ARFGAP1: variants seen among roughly 807,000 people sequenced by gnomAD.
ARFGAP1 encodes the protein ADP-ribosylation factor GTPase-activating protein 1.
In ARFGAP1, 26 loss-of-function variants were observed where a neutral mutation model predicts 54.0. That is an observed-to-expected ratio of 0.48 (90% CI 0.35 to 0.67). ARFGAP1 has a LOEUF of 0.67. Ranked by LOEUF, ARFGAP1 falls within the 30% of genes least tolerant of loss-of-function variation. The pLI, the probability that ARFGAP1 is intolerant of heterozygous loss-of-function variation, is 0.00. For missense variants in ARFGAP1, 525 were observed against 535.8 expected, an observed-to-expected ratio of 0.98 and a Z score of 0.20; for synonymous variants, 248 against 211.9, an observed-to-expected ratio of 1.17 and a Z score of -1.48.
At chr20:63,283,211 G>T (rs1203328775) in intron 9 of ARFGAP1, 1 of 381,286 alleles carries the variant, frequency 2.6e-6, no homozygotes, top group Non-Finnish European at 4.8e-6. Flanking sequence ...TTGGTGCTGT[G>T]CCTGCGGCAC....
At chr20:63,277,817 G>A (rs947658302) in intron 5 of ARFGAP1, among the ~76,000 whole-genome samples, 2 of 152,226 alleles carry the variant, frequency 1.3e-5, no homozygotes, top group South Asian at 2.1e-4. Flanking sequence ...GGGCAACTCC[G>A]GCTTGATTCC....
intron 1 of ARFGAP1, among the ~76,000 whole-genome samples, chr20:63,273,680 C>A (rs549858602): frequency 7.9e-4 from 120 of 152,282 alleles, no homozygotes; most frequent in African/African-American, 2.7e-3. Context: ...GTATGTTTTA[C>A]AGTTAGAAAT....
At position 63,274,012 on chromosome 20, in the gene ARFGAP1, G is replaced by A. The variant is rs1044618567; in HGVS notation, c.-5+1092G>A. 3 of 152,320 alleles carry A rather than the reference G, an allele frequency of 2.0e-5. 1 individual carries two copies. Among genetic ancestry groups the A allele is most frequent in the Admixed American group, 2.0e-4 (3 of 15,294 alleles). The allele number at this position is 152,320 out of a possible 1,614,324, so 9.4% of individuals were successfully genotyped here. A position where few individuals can be genotyped will look rare whatever the true frequency, so the allele number is the denominator to read the frequency against. Reference sequence around the variant, plus strand: ...ATTCCATCCTCAGTCGGCTGTATAGGTGGATGCTCAGTTTGATGACGGTAT... The same window carrying A: ...ATTCCATCCTCAGTCGGCTGTATAGATGGATGCTCAGTTTGATGACGGTAT... On this transcript the variant is annotated intron_variant, in intron 1 of 12. Transcript: ENST00000370283.
chr20:63,278,132 G>T lies in ARFGAP1; in HGVS notation c.459G>T (p.Pro153=). ...PSMVHRVSGQ[P]QSVTASSDKA... Reference sequence around the variant, plus strand: ...TCGGTTTCAGAGTCTCTGGCCAGCCGCAGAGTGTGACCGCCTCCTCGGACA... The same window carrying T: ...TCGGTTTCAGAGTCTCTGGCCAGCCTCAGAGTGTGACCGCCTCCTCGGACA... Residue 153 remains proline (P), a synonymous_variant, in exon 6 of 13, where the codon CCG becomes CCT. Coordinates refer to ENST00000370283, the MANE Select transcript of ARFGAP1 (RefSeq NM_018209.4). The T allele has an allele frequency of 6.2e-7, 1 of 1,613,510 alleles. No homozygotes were observed. Among genetic ancestry groups the T allele is most frequent in the East Asian group, 2.2e-5 (1 of 44,870 alleles).
At chr20:63,287,461 G>A in intron 12 of ARFGAP1, 103 bp from the exon 13 acceptor site, 1 of 1,145,894 alleles carries the variant, frequency 8.7e-7, no homozygotes, top group Non-Finnish European at 1.2e-6. Context: ...CGCTGGCCTG[G>A]GAAGGCGGTC....
At chr20:63,284,277 C>G in intron 9 of ARFGAP1, 1 of 1,115,656 alleles carries the variant, frequency 9.0e-7, no homozygotes, top group Non-Finnish European at 1.1e-6. Flanking sequence ...GATCTTTGCT[C>G]TGTGACGAGT....
Position 63,275,574 on chromosome 20 carries a change from C to A in ARFGAP1, c.-4-3C>A. On this transcript the variant is annotated splice_polypyrimidine_tract_variant and splice_region_variant and intron_variant, in intron 1 of 12. Coordinates refer to ENST00000370283, the MANE Select transcript of ARFGAP1 (RefSeq NM_018209.4). ...TTAAAGTGTTTATTTTTCTCCTTTG[C>A]AGCATCATGGCCAGCCCAAGAACCA... 6.2e-7 allele frequency: 1 copy of A among 1,613,724 alleles called. No individual in the cohort carries two copies. The highest frequency in any genetic ancestry group is 8.5e-7 in the Non-Finnish European group (1 of 1,179,870).
rs745694560 is a variant in ARFGAP1 at position 63,276,271 on chromosome 20, G to A, written c.170+71G>A. ...CCAGCATCTGTTCCTGACACCAGAG[G>A]TGCTGACGCCAGGGAAGCTTGGGGG... On this transcript the variant is annotated intron_variant, in intron 3 of 12. Transcript: ENST00000370283. The surrounding 1 kb of genome is among the most constrained non-coding windows in gnomAD (Gnocchi z 5.2). The A allele has an allele frequency of 1.2e-4, 180 of 1,552,630 alleles. No homozygotes were observed. Among genetic ancestry groups the A allele is most frequent in the Admixed American group, 2.2e-4 (13 of 59,462 alleles).
At chr20:63,284,505 C>T (rs1031634672) in intron 9 of ARFGAP1, 32 of 1,133,774 alleles carry the variant, frequency 2.8e-5, no homozygotes, top group East Asian at 1.2e-4. Flanking sequence ...GAAGGAGAGG[C>T]GTTGCAGGTC....
chr20:63,278,419 A>T, intron 6 of ARFGAP1: 1 of 491,980 alleles, frequency 2.0e-6, no homozygotes. Context: ...CCAGGTGTGA[A>T]TTGGGGGGTC....
chr20:63,282,002 G>C (rs948970902), intron 8 of ARFGAP1, among the ~76,000 whole-genome samples: 1 of 152,002 alleles, frequency 6.6e-6, no homozygotes, highest in African/African-American at 2.4e-5. Flanking sequence ...GCACCTGTCA[G>C]ATGTCCCCGT....
chr20:63,279,305 A>G (rs2067318229), intron 7 of ARFGAP1: 2 of 469,910 alleles, frequency 4.3e-6, no homozygotes, highest in Non-Finnish European at 8.1e-6. Flanking sequence ...TCCCAGGTTC[A>G]GGTGATTCTC....
chr20:63,285,736 G>A lies in ARFGAP1; in HGVS notation c.834+23G>A, dbSNP rs576277136. ...AAGGTAGGGAGCCTGCCAGATACGC[G>A]GGCACAGTCGAAGCCAGTCTCCATA... On this transcript the variant is annotated intron_variant, in intron 11 of 12. Coordinates refer to ENST00000370283, the MANE Select transcript of ARFGAP1 (RefSeq NM_018209.4). The A allele has an allele frequency of 5.6e-6, 9 of 1,610,376 alleles. No individual in the cohort carries two copies. In the Middle Eastern group the frequency reaches 6.6e-4, roughly 118 times the overall value.
At position 63,274,729 on chromosome 20, in the gene ARFGAP1, C is replaced by T. The variant is rs754632340; in HGVS notation, c.-4-848C>T. Among the ~76,000 whole-genome samples, 697 of 152,298 alleles carry T rather than the reference C, an allele frequency of 4.6e-3. 5 individuals carry two copies. Among genetic ancestry groups the T allele is most frequent in the Non-Finnish European group, 7.3e-3 (499 of 68,020 alleles). Reference sequence around the variant, plus strand: ...GTGCAGGGCCACTGGGTCATTCCCCCTTGACGCTGGGGTTGGTACCACCCC... The same window carrying T: ...GTGCAGGGCCACTGGGTCATTCCCCTTTGACGCTGGGGTTGGTACCACCCC... On this transcript the variant is annotated intron_variant, in intron 1 of 12. Coordinates refer to ENST00000370283, the MANE Select transcript of ARFGAP1 (RefSeq NM_018209.4).
chr20:63,279,217 A>G (rs1284304926), intron 7 of ARFGAP1: 1 of 561,948 alleles, frequency 1.8e-6, no homozygotes, highest in Non-Finnish European at 3.2e-6. Context: ...TTTTTTTTTT[A>G]AGACGGAGTC....
Position 63,276,251 on chromosome 20 carries a change from A to C in ARFGAP1, c.170+51A>C, listed in dbSNP as rs1357468960. On this transcript the variant is annotated intron_variant, in intron 3 of 12. Coordinates refer to ENST00000370283, the MANE Select transcript of ARFGAP1 (RefSeq NM_018209.4). The surrounding 1 kb of genome is among the most constrained non-coding windows in gnomAD (Gnocchi z 5.2). ...GCGGAGAGCCTGCGGCCACCCCAGCATCTGTTCCTGACACCAGAGGTGCTG... is the reference window on the plus strand; with the variant it reads ...GCGGAGAGCCTGCGGCCACCCCAGCCTCTGTTCCTGACACCAGAGGTGCTG... 1 of 1,595,174 alleles carries C rather than the reference A, an allele frequency of 6.3e-7. No homozygotes were observed. Among genetic ancestry groups the C allele is most frequent in the East Asian group, 2.2e-5 (1 of 44,778 alleles).
At position 63,289,501 on chromosome 20, in the gene ARFGAP1, G is replaced by A. The variant is rs1374935798; in HGVS notation, c.*1628G>A. On this transcript the variant is annotated 3_prime_UTR_variant, in exon 13 of 13. Coordinates refer to ENST00000370283, the MANE Select transcript of ARFGAP1 (RefSeq NM_018209.4). ...ACTTGGCAGCATGGAGCCAAGGTCT[G>A]TCCCCGCCCAGGAGGGTGCCTTCCT... is the stretch of plus-strand genomic sequence containing the variant. 1 of 152,442 alleles carries A rather than the reference G, an allele frequency of 6.6e-6. No homozygotes were observed. The highest frequency in any genetic ancestry group is 1.5e-5 in the Non-Finnish European group (1 of 68,218). The allele number at this position is 152,442 out of a possible 1,614,324, so 9.4% of individuals were successfully genotyped here.
chr20:63,279,581 T>C lies in ARFGAP1; in HGVS notation c.627+586T>C, dbSNP rs933074789. 2.6e-5 allele frequency among the ~76,000 whole-genome samples: 4 copies of C among 152,190 alleles called. No homozygotes were observed. In the South Asian group the frequency reaches 8.3e-4, roughly 32 times the overall value. ...ATTCTTCCAAGGAACCCAAGGACTCTGATGGCAGCCACTTGGCCAGGTTCT... is the reference window on the plus strand; with the variant it reads ...ATTCTTCCAAGGAACCCAAGGACTCCGATGGCAGCCACTTGGCCAGGTTCT... On this transcript the variant is annotated intron_variant, in intron 7 of 12. Transcript: ENST00000370283.
intron 12 of ARFGAP1, 77 bp from the exon 13 acceptor site, chr20:63,287,487 A>C: frequency 7.1e-7 from 1 of 1,399,042 alleles, no homozygotes; most frequent in Non-Finnish European, 9.6e-7. Context: ...CCAGGTGCAG[A>C]GCTCTCGGGG....
Sources: allele counts gnomAD v4.1 joint callset (sites outside exome capture counted in the v4.1 genomes callset), GRCh38; gene constraint gnomAD v4.1.1; non-coding constraint Gnocchi (gnomAD v3.1); transcripts MANE v1.5; gene names NCBI Gene and HGNC (gene_info 2026-07-23, HGNC 2026-07-21).